KNTC1: variants seen among roughly 807,000 people sequenced by gnomAD.
KNTC1 encodes the protein kinetochore associated 1.
A neutral mutation model predicts 314.4 loss-of-function variants in KNTC1; 253 were observed. The observed-to-expected ratio is 0.80, with a 90% confidence interval of 0.73 to 0.89. KNTC1 has a LOEUF of 0.89. Ranked by LOEUF, KNTC1 falls within the 40% of genes least tolerant of loss-of-function variation. The pLI is 0.00. For synonymous variants in KNTC1, 901 were observed against 901.4 expected, an observed-to-expected ratio of 1.00 and a Z score of 0.01; for missense variants, 2,475 against 2,572.9, an observed-to-expected ratio of 0.96 and a Z score of 0.82.
At chr12:122,610,682 G>A (rs956034476) in intron 52 of KNTC1, 140 bp from the exon 53 acceptor site, 11 of 601,828 alleles carry the variant, frequency 1.8e-5, no homozygotes, top group East Asian at 5.6e-5. Context: ...AGGGGGAAGC[G>A]CAAATGTCAT....
At chr12:122,611,758 G>A (rs1324674966) in intron 53 of KNTC1, 2 of 152,142 alleles carry the variant, frequency 1.3e-5, no homozygotes, top group African/African-American at 4.8e-5. Flanking sequence ...CATATAAAAC[G>A]GTGTCATATT....
chr12:122,541,681 TCAAA>T (rs2137710144), intron 5 of KNTC1, among the ~76,000 whole-genome samples: 1 of 151,950 alleles, frequency 6.6e-6, no homozygotes, highest in East Asian at 2.0e-4. Context: ...AAAGCCACGT[TCAAA>T]CAGACACTGG....
chr12:122,586,616 A>T, intron 37 of KNTC1, 85 bp from the exon 38 acceptor site: 1 of 413,336 alleles, frequency 2.4e-6, no homozygotes, highest in Non-Finnish European at 4.3e-6. Context: ...ATTTTGTTAC[A>T]TGGATATATT....
intron 51 of KNTC1, among the ~76,000 whole-genome samples, chr12:122,606,109 C>T (rs749798400): frequency 9.9e-5 from 15 of 151,542 alleles, no homozygotes; most frequent in Admixed American, 3.3e-4. Flanking sequence ...GTGATCCTCC[C>T]GCCTCGATTT....
intron 44 of KNTC1, 56 bp downstream of exon 44, chr12:122,597,994 A>G: frequency 7.7e-7 from 1 of 1,294,470 alleles, no homozygotes; most frequent in Middle Eastern, 2.0e-4. Flanking sequence ...CACCCTTAAT[A>G]ATTAGATACA....
intron 32 of KNTC1, 82 bp downstream of exon 32, chr12:122,580,059 A>T: frequency 1.1e-6 from 1 of 872,152 alleles, no homozygotes. Context: ...GACAACTCTC[A>T]CCGTACCCGC....
chr12:122,551,270 T>C (rs1963176621), intron 13 of KNTC1, 49 bp from the exon 14 acceptor site: 1 of 1,185,514 alleles, frequency 8.4e-7, no homozygotes, highest in Non-Finnish European at 1.2e-6. Flanking sequence ...AATTATAAAA[T>C]GCATTGCTCT....
intron 27 of KNTC1, among the ~76,000 whole-genome samples, chr12:122,575,245 G>GA (rs923149291): frequency 2.6e-5 from 4 of 151,950 alleles, no homozygotes; most frequent in African/African-American, 7.3e-5. Context: ...TGGGCAATGG[G>GA]AACATGACCC....
At chr12:122,612,922 A>C (rs1873330901) in intron 53 of KNTC1, 190 bp from the exon 54 acceptor site, 1 of 550,706 alleles carries the variant, frequency 1.8e-6, no homozygotes, top group Non-Finnish European at 3.2e-6. Flanking sequence ...AAGGAGTCTC[A>C]GGAATGCCCC....
At chr12:122,576,261 C>T (rs1363534417) in intron 29 of KNTC1, among the ~76,000 whole-genome samples, 2 of 152,032 alleles carry the variant, frequency 1.3e-5, no homozygotes, top group East Asian at 3.9e-4. Flanking sequence ...GATGGGGTTT[C>T]TCCATGTTGG....
chr12:122,625,649 C>T (rs184767349), intron 63 of KNTC1, among the ~76,000 whole-genome samples: 3 of 151,610 alleles, frequency 2.0e-5, no homozygotes, highest in African/African-American at 4.8e-5. Context: ...GAGAAAAATA[C>T]TAAACTGATC....
intron 39 of KNTC1, among the ~76,000 whole-genome samples, chr12:122,588,489 C>G (rs926929648): frequency 6.6e-6 from 1 of 152,132 alleles, no homozygotes; most frequent in African/African-American, 2.4e-5. Context: ...AACCAATGTA[C>G]TCACCTTGTC....
chr12:122,599,139 G>GT lies in KNTC1; in HGVS notation c.4563+1209dup, dbSNP rs562853796. The stretch of plus-strand genomic sequence containing the variant: ...ATACTTTTGTCTGATTTGTTTTTTA[G>GT]TTTTTTTTAAGAGAAGGGGGTCTCA... On this transcript the variant is annotated intron_variant, in intron 44 of 63. Coordinates refer to ENST00000333479, the MANE Select transcript of KNTC1 (RefSeq NM_014708.6). Among the ~76,000 whole-genome samples, 20 of 150,782 alleles carry GT rather than the reference G, an allele frequency of 1.3e-4. No individual in the cohort carries two copies. The South Asian group carries it at 2.5e-3, about 19-fold the overall frequency.
intron 53 of KNTC1, 95 bp downstream of exon 53, chr12:122,610,995 A>G: frequency 2.3e-6 from 2 of 852,368 alleles, no homozygotes; most frequent in African/African-American, 1.7e-5. Flanking sequence ...TTAACAGATG[A>G]TTCAGATAAT....
In KNTC1 at chr12:122,530,199, A is replaced by T. The variant is rs1292755929; in HGVS notation, c.129+7A>T. The stretch of plus-strand genomic sequence containing the variant: ...GAAGATCTCTTCTGAAAAGGTAGTG[A>T]TTATTACACTGACTGTTTCATTCAC... On this transcript the variant is annotated splice_region_variant and intron_variant, in intron 2 of 63. Transcript: ENST00000333479. The T allele has an allele frequency of 6.2e-7, 1 of 1,611,250 alleles. No individual in the cohort carries two copies. The highest frequency in any genetic ancestry group is 1.3e-5 in the African/African-American group (1 of 74,804).
chr12:122,580,355 G>A (rs1482215759), intron 32 of KNTC1, among the ~76,000 whole-genome samples: 1 of 152,184 alleles, frequency 6.6e-6, no homozygotes, highest in Non-Finnish European at 1.5e-5. Context: ...AAAAAAAGAA[G>A]CTACAATTTA....
intron 38 of KNTC1, 56 bp downstream of exon 38, chr12:122,586,813 T>TA: frequency 3.4e-6 from 2 of 595,746 alleles, no homozygotes; most frequent in South Asian, 1.0e-4. Context: ...TTTATTTATT[T>TA]ATTTATTTTA....
intron 3 of KNTC1, among the ~76,000 whole-genome samples, chr12:122,536,353 A>T (rs1961831266): frequency 6.7e-6 from 1 of 150,278 alleles, no homozygotes; most frequent in African/African-American, 2.5e-5. Context: ...TCAGCCTCCC[A>T]AGTATCTGGG....
Position 122,530,005 on chromosome 12 carries a change from A to G in KNTC1, c.-59A>G. On this transcript the variant is annotated 5_prime_UTR_variant, in exon 2 of 64. Coordinates refer to ENST00000333479, the MANE Select transcript of KNTC1 (RefSeq NM_014708.6). ...TATGCAACAAGATAATATGGTGTCT[A>G]ATTTTATGTTGTTCAGGAAAGACAG... The G allele has an allele frequency of 6.4e-7, 1 of 1,573,890 alleles. No individual in the cohort carries two copies. The highest frequency in any genetic ancestry group is 8.6e-7 in the Non-Finnish European group (1 of 1,156,672).
Sources: allele counts gnomAD v4.1 joint callset (sites outside exome capture counted in the v4.1 genomes callset), GRCh38; gene constraint gnomAD v4.1.1; transcripts MANE v1.5; gene names NCBI Gene and HGNC (gene_info 2026-07-23, HGNC 2026-07-21).